Variants in LDLRAD3 observed in about 807,000 individuals in gnomAD.
LDLRAD3 encodes low density lipoprotein receptor class A domain containing 3, also known as low-density lipoprotein receptor class A domain-containing protein 3.
LDLRAD3 carries 20 observed loss-of-function variants against 29.4 expected under a neutral mutation model. The ratio of observed to expected loss-of-function variants is 0.68; its 90% CI spans 0.48 to 0.99. The LOEUF (loss-of-function observed/expected upper bound fraction) is 0.99, where lower values mean the gene tolerates loss of function less well. LDLRAD3 is among the 50% of genes least tolerant of loss of function. The pLI, the probability that LDLRAD3 is intolerant of heterozygous loss-of-function variation, is 0.00. For synonymous variants in LDLRAD3, 157 were observed against 192.7 expected (o/e 0.81, Z 1.53); for missense variants, 420 against 454.3 (o/e 0.92, Z 0.69).
At chr11:35,952,191 A>G (rs181369163) in intron 1 of LDLRAD3, among the ~76,000 whole-genome samples, 1 of 152,334 alleles carries the variant, frequency 6.6e-6, no homozygotes, top group East Asian at 1.9e-4. Flanking sequence ...CCAGTAAGAG[A>G]TAGTTTCAGA....
chr11:36,023,975 C>T (rs981131926), intron 1 of LDLRAD3, among the ~76,000 whole-genome samples: 2 of 152,164 alleles, frequency 1.3e-5, no homozygotes, highest in African/African-American at 2.4e-5. Flanking sequence ...AGACACACAG[C>T]CAGGGTCTGC....
intron 4 of LDLRAD3, among the ~76,000 whole-genome samples, chr11:36,130,229 G>T (rs1310060282): frequency 6.6e-6 from 1 of 152,150 alleles, no homozygotes; most frequent in Non-Finnish European, 1.5e-5. Flanking sequence ...AGGGGCATTT[G>T]GCTGAGACCT....
At chr11:36,146,251 A>G (rs536880389) in intron 4 of LDLRAD3, among the ~76,000 whole-genome samples, 1 of 152,356 alleles carries the variant, frequency 6.6e-6, no homozygotes, top group Non-Finnish European at 1.5e-5. Flanking sequence ...TATTTTGAAT[A>G]TCAAATGTCC....
intron 4 of LDLRAD3, among the ~76,000 whole-genome samples, chr11:36,209,833 C>T (rs1855259837): frequency 6.6e-6 from 1 of 152,122 alleles, no homozygotes; most frequent in South Asian, 2.1e-4. Context: ...GTAAAAAAAT[C>T]AGGGTGTAAC....
In LDLRAD3 at chr11:36,155,654, C is replaced by T. The variant is rs1041447129; in HGVS notation, c.454+57193C>T. On this transcript the variant is annotated intron_variant, in intron 4 of 5. Coordinates refer to ENST00000315571, the MANE Select transcript of LDLRAD3 (RefSeq NM_174902.4). ...GACTAGTGGTAAGGATTAAATGAGA[C>T]AATGAGAGAATGCAAAGCACTTAGC... is the stretch of plus-strand genomic sequence containing the variant. 1.3e-4 allele frequency among the ~76,000 whole-genome samples: 20 copies of T among 152,154 alleles called. 1 individual carries two copies. Among genetic ancestry groups the T allele is most frequent in the Non-Finnish European group, 1.5e-5 (1 of 68,024 alleles).
chr11:36,147,341 A>G (rs894013339), intron 4 of LDLRAD3, among the ~76,000 whole-genome samples: 4 of 151,602 alleles, frequency 2.6e-5, no homozygotes, highest in African/African-American at 7.3e-5. Flanking sequence ...GATGGTCTCA[A>G]TCTCCTGACT....
chr11:36,024,969 G>A (rs1208096168), intron 1 of LDLRAD3, among the ~76,000 whole-genome samples: 1 of 152,176 alleles, frequency 6.6e-6, no homozygotes, highest in Non-Finnish European at 1.5e-5. Flanking sequence ...TAGTAAGTTT[G>A]GTGGGTAAAT....
chr11:35,971,609 C>T (rs955643281), intron 1 of LDLRAD3, among the ~76,000 whole-genome samples: 7 of 152,188 alleles, frequency 4.6e-5, no homozygotes, highest in African/African-American at 1.7e-4. Context: ...CCTGCTGACT[C>T]CTTGAACTTG....
chr11:36,206,189 T>A (rs1397385721), intron 4 of LDLRAD3, among the ~76,000 whole-genome samples: 1 of 152,212 alleles, frequency 6.6e-6, no homozygotes, highest in Non-Finnish European at 1.5e-5. Context: ...ATAATAATGC[T>A]TCTAAGAGTT....
intron 4 of LDLRAD3, among the ~76,000 whole-genome samples, chr11:36,123,116 G>A (rs57580336): frequency 0.026 from 3,951 of 152,214 alleles, 176 homozygotes; most frequent in African/African-American, 0.088. Flanking sequence ...GAGCCCAGGA[G>A]GTCAAGGCTG....
At chr11:36,123,117 G>A (rs1159596813) in intron 4 of LDLRAD3, among the ~76,000 whole-genome samples, 3 of 152,130 alleles carry the variant, frequency 2.0e-5, no homozygotes, top group Non-Finnish European at 4.4e-5. Context: ...AGCCCAGGAG[G>A]TCAAGGCTGC....
chr11:35,991,166 G>A (rs1166540116), intron 1 of LDLRAD3, among the ~76,000 whole-genome samples: 2 of 152,274 alleles, frequency 1.3e-5, no homozygotes, highest in South Asian at 2.1e-4. Context: ...TCTAGGTTGC[G>A]TATAAGAGCC....
intron 1 of LDLRAD3, among the ~76,000 whole-genome samples, chr11:36,001,757 ACGTGTGTG>A (rs1197624295): frequency 1.2e-5 from 1 of 86,142 alleles, no homozygotes; most frequent in Non-Finnish European, 2.2e-5. Flanking sequence ...TATATTGTAT[ACGTGTGTG>A]TGTGTGTGTG....
chr11:36,051,493 G>C (rs1852527516), intron 2 of LDLRAD3, among the ~76,000 whole-genome samples: 1 of 152,250 alleles, frequency 6.6e-6, no homozygotes, highest in Non-Finnish European at 1.5e-5. Flanking sequence ...GGCTGGTGAA[G>C]ATTAAATGAC....
chr11:36,176,877 A>C (rs1590333175), intron 4 of LDLRAD3, among the ~76,000 whole-genome samples: 2 of 152,136 alleles, frequency 1.3e-5, no homozygotes, highest in Admixed American at 1.3e-4. Flanking sequence ...AGGCCAGGGA[A>C]GTTTTCCTCA....
intron 4 of LDLRAD3, among the ~76,000 whole-genome samples, chr11:36,226,870 T>C (rs1855505927): frequency 6.6e-6 from 1 of 152,250 alleles, no homozygotes; most frequent in Admixed American, 6.5e-5. Flanking sequence ...ATTTATTAAC[T>C]TTTTATGGCT....
Position 36,098,331 on chromosome 11 carries a change from A to G in LDLRAD3, c.324A>G (p.Ala108=). Residue 108 remains alanine, a synonymous_variant, in exon 4 of 6, where the codon GCA becomes GCG. Transcript: ENST00000315571. ...PDGSDEENCT[A]NPLLCSTARY... ...TGCTGTGTTTTCCCTCTGCAGCAGC[A>G]AACCCTCTGCTTTGCTCCACCGCCC... is the stretch of plus-strand genomic sequence containing the variant. The G allele has an allele frequency of 6.2e-7, 1 of 1,613,974 alleles. No individual in the cohort carries two copies. The highest frequency in any genetic ancestry group is 8.5e-7 in the Non-Finnish European group (1 of 1,180,026).
chr11:36,014,500 C>T (rs1214399632), intron 1 of LDLRAD3, among the ~76,000 whole-genome samples: 1 of 152,182 alleles, frequency 6.6e-6, no homozygotes, highest in Middle Eastern at 3.2e-3. Context: ...GCCTGGAGTG[C>T]TCTTAAAGTC....
intron 1 of LDLRAD3, among the ~76,000 whole-genome samples, chr11:35,983,328 T>G (rs1851566716): frequency 6.6e-6 from 1 of 151,994 alleles, no homozygotes; most frequent in African/African-American, 2.4e-5. Flanking sequence ...TGTTCCTTTT[T>G]ACCTGTTTGT....
Sources: gnomAD v4.1 joint callset for allele counts (sites outside exome capture counted in the v4.1 genomes callset) on GRCh38, gnomAD v4.1.1 for gene constraint, MANE v1.5 for transcripts, NCBI Gene and HGNC (gene_info 2026-07-23, HGNC 2026-07-21) for gene names.